The following AKAP19 variants were observed in gnomAD, a reference collection of about 807,000 sequenced individuals.
AKAP19 encodes the protein small A-kinase anchoring protein.
chr2:189,994,043 G>A, the AKAP19 span, among the ~76,000 whole-genome samples: 3 of 140,746 alleles, frequency 2.1e-5, no homozygotes, highest in Non-Finnish European at 4.6e-5. Flanking sequence ...TTGGAGTCTT[G>A]CTCTGTTGCC....
chr2:190,019,500 A>G, the AKAP19 span, among the ~76,000 whole-genome samples: 2 of 152,034 alleles, frequency 1.3e-5, no homozygotes, highest in Non-Finnish European at 2.9e-5. Flanking sequence ...TTGCCAGTGT[A>G]TTATGTATTG....
At chr2:189,947,023 T>C in the AKAP19 span, among the ~76,000 whole-genome samples, 1 of 152,238 alleles carries the variant, frequency 6.6e-6, no homozygotes, top group Non-Finnish European at 1.5e-5. Context: ...TTTCTAAGCC[T>C]CAGTTTCATT....
chr2:189,918,017 T>C, the AKAP19 span, among the ~76,000 whole-genome samples: 1 of 152,070 alleles, frequency 6.6e-6, no homozygotes, highest in Non-Finnish European at 1.5e-5. Flanking sequence ...TATACATAAC[T>C]TATCATTGTC....
chr2:190,128,583 CA>C, the AKAP19 span, among the ~76,000 whole-genome samples: 1 of 152,200 alleles, frequency 6.6e-6, no homozygotes, highest in Non-Finnish European at 1.5e-5. Context: ...ATATCTTAAA[CA>C]CACAAATAAT....
chr2:190,184,115 GA>G, the AKAP19 span, among the ~76,000 whole-genome samples: 1 of 152,092 alleles, frequency 6.6e-6, no homozygotes, highest in African/African-American at 2.4e-5. Flanking sequence ...TCTCACATGG[GA>G]AGAGCCTTGT....
At chr2:190,031,874 T>A in the AKAP19 span, among the ~76,000 whole-genome samples, 3 of 152,190 alleles carry the variant, frequency 2.0e-5, no homozygotes, top group African/African-American at 7.2e-5. Flanking sequence ...TCTGAATATG[T>A]CTAAGAGAGG....
the AKAP19 span, among the ~76,000 whole-genome samples, chr2:190,173,838 A>G: frequency 6.6e-6 from 1 of 152,226 alleles, no homozygotes; most frequent in African/African-American, 2.4e-5. Context: ...CCAAAGAACC[A>G]ATATGTCAGT....
At chr2:189,909,564 C>T in the AKAP19 span, among the ~76,000 whole-genome samples, 2 of 151,922 alleles carry the variant, frequency 1.3e-5, no homozygotes, top group Non-Finnish European at 2.9e-5. Context: ...TTACATGAAA[C>T]GTGTTATATT....
At chr2:189,997,934 G>T in the AKAP19 span, among the ~76,000 whole-genome samples, 3 of 152,162 alleles carry the variant, frequency 2.0e-5, no homozygotes, top group African/African-American at 7.2e-5. Context: ...TATAGTGAGG[G>T]ATGGCTTCCC....
At chr2:189,947,885 C>A in the AKAP19 span, among the ~76,000 whole-genome samples, 1 of 151,922 alleles carries the variant, frequency 6.6e-6, no homozygotes, top group South Asian at 2.1e-4. Context: ...TGATGGCAGA[C>A]CAATAATATT....
At chr2:189,948,577 TA>T in the AKAP19 span, among the ~76,000 whole-genome samples, 4 of 152,304 alleles carry the variant, frequency 2.6e-5, no homozygotes, top group East Asian at 3.9e-4. Context: ...TCCACCCCCA[TA>T]AACATGGTAG....
At chr2:189,960,059 A>G in the AKAP19 span, among the ~76,000 whole-genome samples, 681 of 152,334 alleles carry the variant, frequency 4.5e-3, 3 homozygotes, top group Non-Finnish European at 7.7e-3. Context: ...TTAGAGTTCA[A>G]CTTGCCTTGG....
the AKAP19 span, among the ~76,000 whole-genome samples, chr2:190,142,677 G>A: frequency 6.6e-6 from 1 of 152,228 alleles, no homozygotes; most frequent in Admixed American, 6.5e-5. Flanking sequence ...TTGCTTTGAG[G>A]CTAACAAACT....
At chr2:190,060,175 A>T in the AKAP19 span, 2 of 1,613,112 alleles carry the variant, frequency 1.2e-6, no homozygotes, top group South Asian at 2.2e-5. Context: ...CAATTTTGCA[A>T]CACTGTCTTC....
chr2:190,085,506 G>A, the AKAP19 span, among the ~76,000 whole-genome samples: 1 of 152,194 alleles, frequency 6.6e-6, no homozygotes, highest in Non-Finnish European at 1.5e-5. Flanking sequence ...AAGAGGGAAT[G>A]AGGCAGCTGA....
At chr2:190,002,230 G>T in the AKAP19 span, among the ~76,000 whole-genome samples, 2 of 152,190 alleles carry the variant, frequency 1.3e-5, no homozygotes, top group Non-Finnish European at 2.9e-5. Flanking sequence ...GTACTGAAAT[G>T]GTTATTTTGA....
chr2:190,166,314 ACTCT>A, the AKAP19 span, among the ~76,000 whole-genome samples: 1 of 70,022 alleles, frequency 1.4e-5, no homozygotes, highest in Non-Finnish European at 2.8e-5. Context: ...AAAAAAATCC[ACTCT>A]TTTTTTTTTT....
At chr2:190,137,502 T>C in the AKAP19 span, among the ~76,000 whole-genome samples, 1 of 152,230 alleles carries the variant, frequency 6.6e-6, no homozygotes, top group East Asian at 1.9e-4. Flanking sequence ...GCTTTCAGAC[T>C]TCTCCAAAGC....
chr2:189,979,972 A>G, the AKAP19 span, among the ~76,000 whole-genome samples: 1 of 152,234 alleles, frequency 6.6e-6, no homozygotes, highest in East Asian at 1.9e-4. Flanking sequence ...TGCTGGTAGG[A>G]ATGTAAAGTA....
Sources: gnomAD v4.1 joint callset for allele counts (sites outside exome capture counted in the v4.1 genomes callset) on GRCh38, gnomAD v4.1.1 for gene constraint, MANE v1.5 for transcripts, NCBI Gene and HGNC (gene_info 2026-07-23, HGNC 2026-07-21) for gene names.